Variants in ABAT observed in about 807,000 individuals in gnomAD.
The protein encoded by ABAT is 4-aminobutyrate aminotransferase, mitochondrial.
A neutral mutation model predicts 64.6 loss-of-function variants in ABAT; 45 were observed. The ratio of observed to expected loss-of-function variants is 0.70; its 90% CI spans 0.55 to 0.89. The LOEUF is 0.89. Among genes scored for constraint, ABAT ranks in the 40% least tolerant of loss-of-function variants. The pLI, the probability that ABAT is intolerant of heterozygous loss-of-function variation, is 0.00. For synonymous variants in ABAT, 297 were observed against 250.5 expected, an observed-to-expected ratio of 1.19 and a Z score of -1.75; for missense variants, 633 against 658.4, an observed-to-expected ratio of 0.96 and a Z score of 0.42.
At chr16:8,729,104 C>A (rs2058642570) in intron 1 of ABAT, among the ~76,000 whole-genome samples, 2 of 150,712 alleles carry the variant, frequency 1.3e-5, no homozygotes. Context: ...CTCAGGAGTT[C>A]AAGACCATCC....
intron 5 of ABAT, among the ~76,000 whole-genome samples, chr16:8,751,386 C>A (rs1472223497): frequency 1.3e-5 from 2 of 152,084 alleles, no homozygotes; most frequent in African/African-American, 4.8e-5. Context: ...CTGAACCCAG[C>A]CAGAGGTAGG....
intron 4 of ABAT, among the ~76,000 whole-genome samples, chr16:8,748,408 T>C (rs1266837414): frequency 6.6e-6 from 1 of 152,272 alleles, no homozygotes; most frequent in Non-Finnish European, 1.5e-5. Context: ...ATTTTTGTGA[T>C]TTCAATCCTG....
At chr16:8,681,684 C>T (rs1343365504) in intron 1 of ABAT, among the ~76,000 whole-genome samples, 3 of 149,374 alleles carry the variant, frequency 2.0e-5, no homozygotes, top group African/African-American at 7.4e-5. Flanking sequence ...CTCTGTTGCC[C>T]AGGCTGGGGT....
intron 1 of ABAT, among the ~76,000 whole-genome samples, chr16:8,716,170 T>C (rs979012665): frequency 6.6e-6 from 1 of 152,124 alleles, no homozygotes; most frequent in Non-Finnish European, 1.5e-5. Flanking sequence ...GAGGCACAGC[T>C]AGTTGTAAGC....
At chr16:8,731,290 A>G (rs1206214278) in intron 1 of ABAT, 2 of 152,166 alleles carry the variant, frequency 1.3e-5, no homozygotes, top group African/African-American at 4.8e-5. Flanking sequence ...TAGCCCCCAT[A>G]TTCATGTTTC....
chr16:8,718,723 G>A (rs575978115), intron 1 of ABAT, among the ~76,000 whole-genome samples: 34 of 152,320 alleles, frequency 2.2e-4, no homozygotes, highest in African/African-American at 8.2e-4. Context: ...AGGAATAGAA[G>A]TATTTGCCTC....
In ABAT at chr16:8,723,809, T is replaced by TTATATATATATATATATA. The variant is rs540646083; in HGVS notation, c.-41-11888_-41-11871dup. ...GGGCAGTGGTTTGGATCCAAGCTTT[T>TTATATATATATATATATA]TATATATATATATATATATTTTTTT... On this transcript the variant is annotated intron_variant, in intron 1 of 15. Transcript: ENST00000268251. Among the ~76,000 whole-genome samples, 100 of 44,814 alleles carry TTATATATATATATATATA rather than the reference T, an allele frequency of 2.2e-3. 2 individuals are homozygous for TTATATATATATATATATA. Among genetic ancestry groups the TTATATATATATATATATA allele is most frequent in the African/African-American group, 4.2e-3 (51 of 12,224 alleles). 29.4% of individuals were successfully genotyped at this position (44,814 alleles called of 152,430 possible). A position where few individuals can be genotyped will look rare whatever the true frequency, so the allele number is the denominator to read the frequency against.
intron 5 of ABAT, among the ~76,000 whole-genome samples, chr16:8,752,614 A>C (rs1010739229): frequency 2.8e-4 from 43 of 152,132 alleles, no homozygotes; most frequent in African/African-American, 1.0e-3. Flanking sequence ...AAGAGTTTTA[A>C]AAATTAGCTA....
chr16:8,746,777 C>G (rs1195925592), intron 3 of ABAT, among the ~76,000 whole-genome samples: 1 of 151,948 alleles, frequency 6.6e-6, no homozygotes, highest in African/African-American at 2.4e-5. Flanking sequence ...TTTCTCCTAC[C>G]ACAGTAATGC....
chr16:8,724,637 G>A (rs1258044397), intron 1 of ABAT, among the ~76,000 whole-genome samples: 1 of 147,894 alleles, frequency 6.8e-6, no homozygotes, highest in Non-Finnish European at 1.5e-5. Flanking sequence ...TCGGTAGGCT[G>A]AGATGGGAGG....
At position 8,776,939 on chromosome 16, in the gene ABAT, C is replaced by A. The variant is rs1022091666; in HGVS notation, c.1269+449C>A. On this transcript the variant is annotated intron_variant, in intron 14 of 15. Coordinates refer to ENST00000268251, the MANE Select transcript of ABAT (RefSeq NM_020686.6). This position sits in a 1 kb window ranked among gnomAD's most constrained non-coding sequence, Gnocchi z 4.4. ...TTTTGAGACCAAGTCTTGCTTTGTA[C>A]CCAGGCTGGAGTGCAGTGGCGCAAT... Among the ~76,000 whole-genome samples, 1 of 151,978 alleles carries A rather than the reference C, an allele frequency of 6.6e-6. No individual in the cohort carries two copies. Among genetic ancestry groups the A allele is most frequent in the Non-Finnish European group, 1.5e-5 (1 of 68,014 alleles).
At chr16:8,774,464 T>C (rs1389264681) in intron 12 of ABAT, among the ~76,000 whole-genome samples, 1 of 152,108 alleles carries the variant, frequency 6.6e-6, no homozygotes, top group Non-Finnish European at 1.5e-5. Flanking sequence ...TGAGTTGACT[T>C]AACACAGATG....
At chr16:8,708,497 C>G (rs946825918) in intron 1 of ABAT, among the ~76,000 whole-genome samples, 1 of 151,480 alleles carries the variant, frequency 6.6e-6, no homozygotes, top group Non-Finnish European at 1.5e-5. Context: ...TTGTGTGTCT[C>G]ACTTTGTTGC....
At position 8,784,446 on chromosome 16, in the gene ABAT, T is replaced by C. The variant is rs1325293881; in HGVS notation, c.*3016T>C. The C allele has an allele frequency of 6.6e-6, 1 of 151,782 alleles. No individual in the cohort carries two copies. The highest frequency in any genetic ancestry group is 1.5e-5 in the Non-Finnish European group (1 of 67,806). The allele number at this position is 151,782 out of a possible 1,614,324, so 9.4% of individuals were successfully genotyped here. On this transcript the variant is annotated 3_prime_UTR_variant, in exon 16 of 16. Transcript: ENST00000268251. ...TTGTTCACAAGTAATCTGTTGACAG[T>C]GCCAATAAATGATAAAAAAAAAATT...
At chr16:8,766,587 G>A (rs1030777979) in intron 9 of ABAT, among the ~76,000 whole-genome samples, 2 of 150,748 alleles carry the variant, frequency 1.3e-5, no homozygotes, top group African/African-American at 4.9e-5. Flanking sequence ...CCCAGGAGGT[G>A]GAGGTTGCAG....
chr16:8,680,706 G>T (rs1166376086), intron 1 of ABAT, among the ~76,000 whole-genome samples: 1 of 152,196 alleles, frequency 6.6e-6, no homozygotes, highest in Non-Finnish European at 1.5e-5. Flanking sequence ...GGGATTACTG[G>T]CATGAGCCAC....
intron 1 of ABAT, among the ~76,000 whole-genome samples, chr16:8,689,502 A>G (rs2057532451): frequency 6.6e-6 from 1 of 152,216 alleles, no homozygotes; most frequent in Non-Finnish European, 1.5e-5. Flanking sequence ...TGGTATCATG[A>G]TGGGAATTCA....
At chr16:8,734,621 C>T (rs969533946) in intron 1 of ABAT, among the ~76,000 whole-genome samples, 1 of 152,078 alleles carries the variant, frequency 6.6e-6, no homozygotes, top group East Asian at 1.9e-4. Flanking sequence ...GCGTTTTGTG[C>T]AGCATGCGTC....
At chr16:8,702,134 C>G (rs1178778323) in intron 1 of ABAT, among the ~76,000 whole-genome samples, 1 of 151,978 alleles carries the variant, frequency 6.6e-6, no homozygotes, top group African/African-American at 2.4e-5. Context: ...GCGGGCTGTA[C>G]AGGAAGTATA....
Sources: allele counts gnomAD v4.1 joint callset (sites outside exome capture counted in the v4.1 genomes callset), GRCh38; gene constraint gnomAD v4.1.1; non-coding constraint Gnocchi (gnomAD v3.1); transcripts MANE v1.5; gene names NCBI Gene and HGNC (gene_info 2026-07-23, HGNC 2026-07-21).